The following MGAM variants were observed in gnomAD, a reference collection of about 807,000 sequenced individuals.
MGAM encodes the protein maltase-glucoamylase.
In MGAM, 253 loss-of-function variants were observed where a neutral mutation model predicts 358.8. The observed-to-expected ratio is 0.71, with a 90% CI of 0.64 to 0.78. The LOEUF (loss-of-function observed/expected upper bound fraction) is 0.78. MGAM is among the 30% of genes least tolerant of loss of function. The pLI is 0.00. For synonymous variants in MGAM, 1,105 were observed against 1,227.1 expected, an observed-to-expected ratio of 0.90 and a Z score of 2.08; for missense variants, 3,080 against 3,432.6, an observed-to-expected ratio of 0.90 and a Z score of 2.57.
chr7:142,082,052 C>T lies in MGAM; in HGVS notation c.6013C>T (p.Gln2005Ter), dbSNP rs1203867311. Residue 2005 changes from glutamine (Q) to a stop codon, truncating the protein, a stop_gained, in exon 51 of 71, where the codon CAG becomes TAG. Transcript: ENST00000475668. LOFTEE classifies it high-confidence loss of function. ...KSTGTIIWDS[Q>*]LLGFTFNDMF... is the part of the protein sequence containing the mutation. ...CTTTTTGTGTTTCAGTTGGGACTCT[C>T]AGCTCCTTGGCTTCACCTTCAATGA... 2 of 1,555,510 alleles carry T rather than the reference C, an allele frequency of 1.3e-6. No homozygotes were observed. Among genetic ancestry groups the T allele is most frequent in the Non-Finnish European group, 1.8e-6 (2 of 1,132,384 alleles).
At chr7:141,996,196 G>T (rs1326255003) in intron 1 of MGAM, among the ~76,000 whole-genome samples, 1 of 151,638 alleles carries the variant, frequency 6.6e-6, no homozygotes, top group African/African-American at 2.4e-5. Context: ...GCTACTCGGA[G>T]AGGCTAAGGC....
In MGAM at chr7:142,066,686, G is replaced by A. The variant is rs755177053; in HGVS notation, c.4884G>A (p.Thr1628=). ...YLYTLMQKAH[T]EGVTVVRPLL... ...ATACCTTGATGCAAAAGGCCCACAC[G>A]GAGGGCGTCACTGTTGTGCGGCCTC... Residue 1628 remains threonine, a synonymous_variant, in exon 41 of 71, where the codon ACG becomes ACA. Coordinates refer to ENST00000475668, the MANE Select transcript of MGAM (RefSeq NM_001365693.1). 9.0e-6 allele frequency: 14 copies of A among 1,555,876 alleles called. 3 individuals are homozygous for A. Among genetic ancestry groups the A allele is most frequent in the South Asian group, 3.4e-5 (3 of 89,098 alleles).
intron 59 of MGAM, 143 bp downstream of exon 59, chr7:142,092,751 C>A: frequency 1.2e-6 from 1 of 818,564 alleles, no homozygotes; most frequent in Non-Finnish European, 1.9e-6. Flanking sequence ...GAGACAAAAG[C>A]TCTGCACGCG....
chr7:142,014,880 A>C lies in MGAM; in HGVS notation c.328-4319A>C, dbSNP rs1418930601. On this transcript the variant is annotated intron_variant, in intron 3 of 70. Transcript: ENST00000475668. ...TAAATCAAAATCATTCTACAGTAAA[A>C]AAAGTTTTTCTTCAATATATTGAAG... Among the ~76,000 whole-genome samples the C allele has an allele frequency of 2.0e-5, 3 of 152,242 alleles. No homozygotes were observed. In the East Asian group the frequency reaches 5.8e-4, roughly 29 times the overall value.
rs201586821 is a variant in MGAM, at chr7:142,021,066, A to G, written c.541A>G (p.Asn181Asp). Residue 181 changes from asparagine to aspartate, a missense_variant, in exon 5 of 71, where the codon AAT becomes GAT. By Grantham distance (23) the Asn-to-Asp change is conservative. Transcript: ENST00000475668. ...TCTCACAGCAGAATATCAGACATCTAATCGTTTCCACTTTAAGGTTGTAAT... is the reference window on the plus strand; with the variant it reads ...TCTCACAGCAGAATATCAGACATCTGATCGTTTCCACTTTAAGGTTGTAAT... ...VLLTAEYQTS[N>D]RFHFKLTDQT... 24 of 1,606,690 alleles carry G rather than the reference A, an allele frequency of 1.5e-5. No individual in the cohort carries two copies. Among genetic ancestry groups the G allele is most frequent in the Non-Finnish European group, 1.9e-5 (22 of 1,176,588 alleles).
At position 142,007,138 on chromosome 7, in the gene MGAM, C is replaced by T. The variant is rs570161565; in HGVS notation, c.128-1368C>T. ...TGCTCTTTTCAAATTGATGTCTTAT[C>T]TTTCCTAGTGCCTCAAGCTAAGTCC... On this transcript the variant is annotated intron_variant, in intron 2 of 70. Transcript: ENST00000475668. Among the ~76,000 whole-genome samples the T allele has an allele frequency of 1.2e-4, 19 of 152,208 alleles. No individual in the cohort carries two copies. In the South Asian group the frequency reaches 3.9e-3, roughly 32 times the overall value.
intron 3 of MGAM, among the ~76,000 whole-genome samples, chr7:142,010,972 T>C (rs1805547827): frequency 6.6e-6 from 1 of 152,174 alleles, no homozygotes; most frequent in Non-Finnish European, 1.5e-5. Context: ...ATTCCAGATA[T>C]CCAGCTTAGG....
chr7:142,055,102 G>A (rs761725490), intron 27 of MGAM, among the ~76,000 whole-genome samples, 194 bp downstream of exon 27: 1 of 152,210 alleles, frequency 6.6e-6, no homozygotes, highest in African/African-American at 2.4e-5. Flanking sequence ...GGAGTTGAAT[G>A]TGCCTGAGGA....
At chr7:142,055,112 A>T (rs1429031920) in intron 27 of MGAM, among the ~76,000 whole-genome samples, 1 of 152,210 alleles carries the variant, frequency 6.6e-6, no homozygotes, top group African/African-American at 2.4e-5. Flanking sequence ...GTGCCTGAGG[A>T]TTCATCCAAC....
At chr7:142,099,769 T>C (rs1816286144) in intron 67 of MGAM, 32 bp downstream of exon 67, 1 of 1,610,058 alleles carries the variant, frequency 6.2e-7, no homozygotes, top group Non-Finnish European at 8.5e-7. Context: ...TTCCTTTACA[T>C]GTCAGTTAGC....
chr7:142,078,709 T>C lies in MGAM; in HGVS notation c.5647-99T>C, dbSNP rs1813960307. On this transcript the variant is annotated intron_variant, in intron 48 of 70. Transcript: ENST00000475668. ...TGCCAAGTGATAAGTGATAGGCTGG[T>C]TTTATTGTCATATAAAATGACTTTT... is the stretch of plus-strand genomic sequence containing the variant. 4.0e-6 allele frequency: 5 copies of C among 1,250,476 alleles called. 2 individuals carry two copies. The highest frequency in any genetic ancestry group is 5.6e-6 in the Non-Finnish European group (5 of 887,958). 77.5% of individuals were successfully genotyped at this position (1,250,476 alleles called of 1,614,324 possible). A position where few individuals can be genotyped will look rare whatever the true frequency, so the allele number is the denominator to read the frequency against.
At chr7:142,090,846 T>C (rs1815317882) in intron 57 of MGAM, among the ~76,000 whole-genome samples, 1 of 146,550 alleles carries the variant, frequency 6.8e-6, no homozygotes, top group South Asian at 2.2e-4. Context: ...AAACAGTGAG[T>C]ATATATTTTG....
At chr7:142,023,048 T>C (rs1806609741) in intron 7 of MGAM, among the ~76,000 whole-genome samples, 1 of 152,136 alleles carries the variant, frequency 6.6e-6, no homozygotes, top group Non-Finnish European at 1.5e-5. Flanking sequence ...GTTCAGGGCC[T>C]TTCTTTTTCT....
Position 142,078,424 on chromosome 7 carries a change from A to G in MGAM, c.5600A>G (p.Asn1867Ser). The G allele has an allele frequency of 2.6e-6, 4 of 1,543,386 alleles. 2 individuals carry two copies. The highest frequency in any genetic ancestry group is 3.6e-6 in the Non-Finnish European group (4 of 1,125,534). ...AAAATAGACTGTTACCCTGATGAGA[A>G]TGGTGATTCTGCAGAAAACTGCACT... is the stretch of plus-strand genomic sequence containing the variant. ...EEKIDCYPDE[N>S]GDSAENCTAR... The change falls in exon 48 of 71, where the codon AAT (asparagine) becomes AGT (serine). Residue 1867 changes from asparagine to serine, a missense_variant. By Grantham distance (46) the Asn-to-Ser change is conservative (BLOSUM62 1). Around this residue, in one of 5 missense-constraint regions of MGAM, gnomAD observed 932 missense variants for 1,198.2 expected, o/e 0.78. Transcript: ENST00000475668.
At chr7:142,034,019 G>GT (rs1807746229) in intron 14 of MGAM, among the ~76,000 whole-genome samples, 1 of 152,224 alleles carries the variant, frequency 6.6e-6, no homozygotes, top group Admixed American at 6.5e-5. Flanking sequence ...TTACTTCCAA[G>GT]TGTCTGCCTC....
intron 22 of MGAM, among the ~76,000 whole-genome samples, chr7:142,048,802 AT>A (rs1402458087): frequency 6.6e-6 from 1 of 151,836 alleles, no homozygotes. Flanking sequence ...TTAAATATTT[AT>A]TTTTTAATTG....
chr7:142,050,198 C>A (rs1002665062), intron 22 of MGAM, 37 bp from the exon 23 acceptor site: 5 of 1,606,988 alleles, frequency 3.1e-6, no homozygotes, highest in Non-Finnish European at 3.4e-6. Flanking sequence ...CTGAGGTGGG[C>A]AGGCCAGAAT....
At chr7:142,009,028 C>T (rs1805394806) in intron 3 of MGAM, among the ~76,000 whole-genome samples, 1 of 152,144 alleles carries the variant, frequency 6.6e-6, no homozygotes, top group Admixed American at 6.6e-5. Context: ...GGCTTACTTA[C>T]TAAAAACGTA....
intron 29 of MGAM, 39 bp from the exon 30 acceptor site, chr7:142,056,791 A>G (rs1811591370): frequency 2.5e-6 from 4 of 1,598,578 alleles, no homozygotes; most frequent in East Asian, 2.2e-5. Context: ...CGTGACATGG[A>G]AGGTGTCCGT....
Sources: allele counts gnomAD v4.1 joint callset (sites outside exome capture counted in the v4.1 genomes callset), GRCh38; gene constraint gnomAD v4.1.1; regional missense constraint gnomAD v4.1.1; transcripts MANE v1.5; gene names NCBI Gene and HGNC (gene_info 2026-07-23, HGNC 2026-07-21).